DNAJC5B: variants seen among roughly 807,000 people sequenced by gnomAD.
DNAJC5B encodes the protein dnaJ homolog subfamily C member 5B.
A neutral mutation model predicts 24.7 loss-of-function variants in DNAJC5B; 23 were observed. The observed-to-expected ratio is 0.93, with a 90% CI of 0.67 to 1.32. DNAJC5B has a LOEUF of 1.32. Among genes scored for constraint, DNAJC5B ranks in the 40% most tolerant of loss-of-function variants. The pLI is 0.00. For missense variants in DNAJC5B, 238 were observed against 240.8 expected (o/e 0.99, Z 0.08); for synonymous variants, 101 against 90.1 (o/e 1.12, Z -0.68).
chr8:66,076,998 T>C (rs552154286), intron 4 of DNAJC5B, 125 bp downstream of exon 4: 10 of 910,490 alleles, frequency 1.1e-5, no homozygotes, highest in South Asian at 5.0e-5. Context: ...AAAGGAGATA[T>C]TGCTTCCACT....
At chr8:66,040,234 C>CA (rs201232920) in intron 1 of DNAJC5B, among the ~76,000 whole-genome samples, 8,419 of 152,016 alleles carry the variant, frequency 0.055, 346 homozygotes, top group Middle Eastern at 0.11. Context: ...TATTAAAATA[C>CA]AAAAAATTAG....
rs1458884606 is a variant in DNAJC5B at position 66,100,798 on chromosome 8, A to T, written c.*767A>T. On this transcript the variant is annotated 3_prime_UTR_variant, in exon 6 of 6. Transcript: ENST00000276570. ...GGCTCAGATTAGCCAGACTAAGGGA[A>T]AAAAAACAGATGAAGGGGTAGAACT... Among the ~76,000 whole-genome samples, 1 of 150,302 alleles carries T rather than the reference A, an allele frequency of 6.7e-6. No individual in the cohort carries two copies. The highest frequency in any genetic ancestry group is 2.5e-5 in the African/African-American group (1 of 39,632).
chr8:66,078,650 C>T (rs1807524844), intron 4 of DNAJC5B, among the ~76,000 whole-genome samples: 1 of 152,176 alleles, frequency 6.6e-6, no homozygotes, highest in African/African-American at 2.4e-5. Context: ...CTCAAGAACA[C>T]TGCACAGGAG....
chr8:66,074,843 A>C (rs1807426870), intron 3 of DNAJC5B, among the ~76,000 whole-genome samples: 2 of 152,160 alleles, frequency 1.3e-5, no homozygotes, highest in Non-Finnish European at 1.5e-5. Context: ...GTATCTGCCA[A>C]GAGGAATCAA....
At chr8:66,050,664 T>G (rs1806826052) in intron 2 of DNAJC5B, among the ~76,000 whole-genome samples, 1 of 152,176 alleles carries the variant, frequency 6.6e-6, no homozygotes, top group Non-Finnish European at 1.5e-5. Context: ...TGGGGACCTA[T>G]GCACTCCCCA....
At chr8:66,084,933 T>G (rs1586112892) in intron 5 of DNAJC5B, among the ~76,000 whole-genome samples, 3 of 152,314 alleles carry the variant, frequency 2.0e-5, no homozygotes, top group Admixed American at 2.0e-4. Flanking sequence ...TAAAAGTTTC[T>G]GAGTTTTATG....
intron 4 of DNAJC5B, 58 bp downstream of exon 4, chr8:66,076,931 T>C: frequency 6.4e-7 from 1 of 1,574,576 alleles, no homozygotes; most frequent in Non-Finnish European, 8.7e-7. Flanking sequence ...TTAATCACTC[T>C]TTTAGATTCC....
chr8:66,028,330 T>C (rs1806290915), intron 1 of DNAJC5B, among the ~76,000 whole-genome samples: 1 of 152,162 alleles, frequency 6.6e-6, no homozygotes, highest in African/African-American at 2.4e-5. Flanking sequence ...AATAATTCAC[T>C]TTGCTTCATT....
chr8:66,049,297 T>A (rs186606222), intron 2 of DNAJC5B, among the ~76,000 whole-genome samples: 1 of 152,258 alleles, frequency 6.6e-6, no homozygotes, highest in Non-Finnish European at 1.5e-5. Context: ...GCCTGTTATA[T>A]AAAAGTGTAC....
chr8:66,042,883 G>A (rs1272415123), intron 1 of DNAJC5B, among the ~76,000 whole-genome samples: 2 of 151,840 alleles, frequency 1.3e-5, no homozygotes, highest in African/African-American at 2.4e-5. Flanking sequence ...ACCTGTCTTG[G>A]TAAACAGCAC....
At chr8:66,047,791 G>A (rs1007107215) in intron 2 of DNAJC5B, among the ~76,000 whole-genome samples, 6 of 152,134 alleles carry the variant, frequency 3.9e-5, no homozygotes, top group Non-Finnish European at 8.8e-5. Flanking sequence ...GGTGGTGCAG[G>A]GACATTTAAG....
intron 3 of DNAJC5B, 55 bp from the exon 4 acceptor site, chr8:66,076,605 A>G: frequency 1.3e-6 from 2 of 1,590,054 alleles, no homozygotes; most frequent in Non-Finnish European, 1.7e-6. Context: ...CTAAAACGCC[A>G]TGGTTCATTC....
chr8:66,051,734 A>G, intron 3 of DNAJC5B, 68 bp downstream of exon 3: 1 of 1,195,924 alleles, frequency 8.4e-7, no homozygotes, highest in East Asian at 2.3e-5. Context: ...AGATTCCTCC[A>G]TTAAAGACAT....
intron 1 of DNAJC5B, among the ~76,000 whole-genome samples, chr8:66,043,231 G>A (rs952345860): frequency 1.3e-5 from 2 of 152,124 alleles, no homozygotes; most frequent in Non-Finnish European, 2.9e-5. Flanking sequence ...CAACTGATCA[G>A]TAGTAGCCTT....
At chr8:66,037,985 G>C (rs74642529) in intron 1 of DNAJC5B, among the ~76,000 whole-genome samples, 143 of 152,390 alleles carry the variant, frequency 9.4e-4, no homozygotes, top group African/African-American at 3.3e-3. Flanking sequence ...GAGGCAGGCA[G>C]AGGGACTGCC....
At chr8:66,058,827 G>C (rs1807020935) in intron 3 of DNAJC5B, among the ~76,000 whole-genome samples, 2 of 152,194 alleles carry the variant, frequency 1.3e-5, no homozygotes, top group South Asian at 4.1e-4. Flanking sequence ...ACAAGAGGAA[G>C]GCTTTTACTG....
intron 1 of DNAJC5B, among the ~76,000 whole-genome samples, chr8:66,029,371 GA>G (rs748705518): frequency 6.6e-6 from 1 of 152,190 alleles, no homozygotes; most frequent in Non-Finnish European, 1.5e-5. Flanking sequence ...GGTTTGAGTG[GA>G]CAGGATGGCA....
chr8:66,033,072 A>C (rs1421908794), intron 1 of DNAJC5B, among the ~76,000 whole-genome samples: 4 of 152,208 alleles, frequency 2.6e-5, no homozygotes, highest in African/African-American at 9.6e-5. Context: ...CACAGTTAGA[A>C]GCCAAGCCAT....
intron 5 of DNAJC5B, among the ~76,000 whole-genome samples, chr8:66,095,421 T>G (rs1217746268): frequency 6.6e-6 from 1 of 151,922 alleles, no homozygotes; most frequent in Non-Finnish European, 1.5e-5. Context: ...CTCTCTTTTT[T>G]TTAACCATTC....
Sources: gnomAD v4.1 joint callset for allele counts (sites outside exome capture counted in the v4.1 genomes callset) on GRCh38, gnomAD v4.1.1 for gene constraint, MANE v1.5 for transcripts, NCBI Gene and HGNC (gene_info 2026-07-23, HGNC 2026-07-21) for gene names.